DENND4A: variants seen among roughly 807,000 people sequenced by gnomAD.
The protein encoded by DENND4A is C-myc promoter-binding protein.
DENND4A carries 70 observed loss-of-function variants against 199.3 expected under a neutral mutation model. That is an observed-to-expected ratio of 0.35 (90% confidence interval 0.29 to 0.43). The LOEUF is 0.43. DENND4A is among the 20% of genes least tolerant of loss of function. The pLI, the probability that DENND4A is intolerant of heterozygous loss-of-function variation, is 1.00. For synonymous variants in DENND4A, 686 were observed against 766.9 expected (o/e 0.89, Z 1.74); for missense variants, 1,723 against 2,255.8 (o/e 0.76, Z 4.78).
At chr15:65,674,986 C>A (rs1188025081) in intron 24 of DENND4A, among the ~76,000 whole-genome samples, 2 of 152,082 alleles carry the variant, frequency 1.3e-5, no homozygotes, top group Non-Finnish European at 2.9e-5. Flanking sequence ...GTTCATAATG[C>A]TATTCCTTAT....
At position 65,792,268 on chromosome 15, in the gene DENND4A, A is replaced by C. The variant is rs1567118155; in HGVS notation, c.-360T>G. 6.8e-6 allele frequency: 1 copy of C among 146,796 alleles called. No homozygotes were observed. Among genetic ancestry groups the C allele is most frequent in the Non-Finnish European group, 1.5e-5 (1 of 66,984 alleles). The allele number at this position is 146,796 out of a possible 1,614,324, so 9.1% of individuals were successfully genotyped here. A position where few individuals can be genotyped will look rare whatever the true frequency, so the allele number is the denominator to read the frequency against. ...TTCTCCGACTCTAGCCTCCGCGGCC[A>C]CCGCGACCGGCGCCATCTTGGCAAT... On this transcript the variant is annotated 5_prime_UTR_variant, in exon 1 of 33. Coordinates refer to ENST00000443035, the MANE Select transcript of DENND4A (RefSeq NM_001320835.1).
intron 2 of DENND4A, among the ~76,000 whole-genome samples, chr15:65,760,458 A>G (rs912745002): frequency 1.3e-5 from 2 of 152,234 alleles, no homozygotes; most frequent in Non-Finnish European, 2.9e-5. Context: ...AGATCATGCC[A>G]CTGCACTCCA....
chr15:65,750,913 T>C (rs993800066), intron 4 of DENND4A, among the ~76,000 whole-genome samples: 3 of 152,018 alleles, frequency 2.0e-5, no homozygotes, highest in South Asian at 2.1e-4. Context: ...AAGAATATGA[T>C]AGAGAGAGCA....
intron 25 of DENND4A, among the ~76,000 whole-genome samples, chr15:65,670,468 C>T (rs1470026708): frequency 6.6e-6 from 1 of 152,076 alleles, no homozygotes. Flanking sequence ...GAAAAGTAAA[C>T]TCAATCACTA....
intron 20 of DENND4A, among the ~76,000 whole-genome samples, chr15:65,698,063 G>C (rs2077211381): frequency 6.6e-6 from 1 of 151,882 alleles, no homozygotes; most frequent in Admixed American, 6.6e-5. Flanking sequence ...ACCAGCCTGG[G>C]CAACACAGTG....
At chr15:65,739,524 T>C (rs2076198422) in intron 5 of DENND4A, among the ~76,000 whole-genome samples, 1 of 152,168 alleles carries the variant, frequency 6.6e-6, no homozygotes, top group Non-Finnish European at 1.5e-5. Context: ...AGGAAGAACC[T>C]TGTACCTCAT....
rs74021806 is a variant in DENND4A at position 65,732,059 on chromosome 15, G to A, written c.1108-359C>T. ...ATAGATTGCCTGTTTTTGTAAATAAGGTTTTACTGAAATATAGGCATGCTC... is the reference window on the plus strand; with the variant it reads ...ATAGATTGCCTGTTTTTGTAAATAAAGTTTTACTGAAATATAGGCATGCTC... On this transcript the variant is annotated intron_variant, in intron 8 of 32. Transcript: ENST00000443035. 7.5e-3 allele frequency among the ~76,000 whole-genome samples: 1,148 copies of A among 152,066 alleles called. 13 individuals are homozygous for A. The highest frequency in any genetic ancestry group is 0.027 in the African/African-American group (1,104 of 41,528).
intron 15 of DENND4A, among the ~76,000 whole-genome samples, 171 bp from the exon 16 acceptor site, chr15:65,703,179 CTCT>C (rs1433698688): frequency 1.3e-5 from 2 of 152,178 alleles, no homozygotes; most frequent in East Asian, 1.9e-4. Context: ...GCTAATGTTG[CTCT>C]TCTTACTATA....
chr15:65,692,377 A>T (rs1421642484), intron 22 of DENND4A, among the ~76,000 whole-genome samples: 1 of 152,164 alleles, frequency 6.6e-6, no homozygotes, highest in Non-Finnish European at 1.5e-5. Context: ...TAAAAGCAGA[A>T]ATCTAGATCT....
At chr15:65,676,724 C>A in intron 23 of DENND4A, 90 bp from the exon 24 acceptor site, 4 of 999,704 alleles carry the variant, frequency 4.0e-6, no homozygotes, top group Non-Finnish European at 5.7e-6. Flanking sequence ...CACTTATCAC[C>A]TAACTACCCA....
In DENND4A at chr15:65,752,384, T is replaced by C. The variant is rs891827890; in HGVS notation, c.556A>G (p.Ser186Gly). The stretch of plus-strand genomic sequence containing the variant: ...AGTGCAAGTAAGTCACTTACCATAC[T>C]GTTATTGAGATTCTTGTCGACTTTG... The part of the protein sequence containing the change: ...FCKVDKNLNN[S>G]MWGSAVYLCY... Residue 186 changes from serine to glycine, a missense_variant, in exon 4 of 33, where the codon AGT (serine) becomes GGT (glycine). Coordinates refer to ENST00000443035, the MANE Select transcript of DENND4A (RefSeq NM_001320835.1). The C allele has an allele frequency of 8.8e-6, 14 of 1,594,436 alleles. No individual in the cohort carries two copies. Among genetic ancestry groups the C allele is most frequent in the Non-Finnish European group, 1.2e-5 (14 of 1,167,996 alleles).
rs2075823129 is a variant in DENND4A, at chr15:65,660,714, G to A, written c.*1137C>T. 6.4e-6 allele frequency: 1 copy of A among 155,724 alleles called. No homozygotes were observed. Among genetic ancestry groups the A allele is most frequent in the Non-Finnish European group, 1.4e-5 (1 of 70,598 alleles). 9.6% of individuals were successfully genotyped at this position (155,724 alleles called of 1,614,324 possible). On this transcript the variant is annotated 3_prime_UTR_variant, in exon 33 of 33. Transcript: ENST00000443035. ...TTAGATTCTACAGACTTCAGATTCT[G>A]AAGCTTGTTGAAAAAGCTAAGTTCC...
At chr15:65,722,188 T>C (rs2075667268) in intron 12 of DENND4A, among the ~76,000 whole-genome samples, 2 of 152,154 alleles carry the variant, frequency 1.3e-5, no homozygotes, top group Admixed American at 1.3e-4. Flanking sequence ...CTATTCTGTG[T>C]ATGAAAAAAA....
At chr15:65,668,207 TC>T in intron 27 of DENND4A, 84 bp from the exon 28 acceptor site, 1 of 857,368 alleles carries the variant, frequency 1.2e-6, no homozygotes, top group Non-Finnish European at 1.7e-6. Flanking sequence ...TCTCTCTCTC[TC>T]TCTTTTTTTT....
chr15:65,738,518 C>T (rs545285365), intron 6 of DENND4A, among the ~76,000 whole-genome samples, 188 bp downstream of exon 6: 1 of 152,198 alleles, frequency 6.6e-6, no homozygotes, highest in South Asian at 2.1e-4. Flanking sequence ...CACAAAAAAG[C>T]ATTTAGGTGG....
chr15:65,698,114 G>C (rs1046695411), intron 20 of DENND4A, among the ~76,000 whole-genome samples: 1 of 151,952 alleles, frequency 6.6e-6, no homozygotes, highest in Admixed American at 6.6e-5. Flanking sequence ...AAAAAAATTA[G>C]CCAGGAATGG....
intron 29 of DENND4A, among the ~76,000 whole-genome samples, chr15:65,667,204 C>T (rs1204474738): frequency 6.6e-6 from 1 of 152,194 alleles, no homozygotes; most frequent in African/African-American, 2.4e-5. Context: ...GTGGTGTGTG[C>T]CTGCAATCCC....
intron 11 of DENND4A, among the ~76,000 whole-genome samples, chr15:65,728,541 T>C (rs1376298006): frequency 2.6e-5 from 4 of 151,344 alleles, no homozygotes; most frequent in Admixed American, 2.0e-4. Context: ...TGGAGTGCAG[T>C]GGCGCGATCT....
At chr15:65,691,798 T>C (rs1164117870) in intron 22 of DENND4A, among the ~76,000 whole-genome samples, 1 of 152,022 alleles carries the variant, frequency 6.6e-6, no homozygotes, top group African/African-American at 2.4e-5. Flanking sequence ...TTTGTCCAAT[T>C]ATAAAGGGTA....
Sources: allele counts gnomAD v4.1 joint callset (sites outside exome capture counted in the v4.1 genomes callset), GRCh38; gene constraint gnomAD v4.1.1; transcripts MANE v1.5; gene names NCBI Gene and HGNC (gene_info 2026-07-23, HGNC 2026-07-21).